The following STAC variants were observed in gnomAD, a reference collection of about 807,000 sequenced individuals.
STAC encodes the protein SH3 and cysteine rich domain.
A neutral mutation model predicts 48.8 loss-of-function variants in STAC; 43 were observed. That is an observed-to-expected ratio of 0.88 (90% confidence interval 0.69 to 1.14). The LOEUF (loss-of-function observed/expected upper bound fraction) is 1.14, where lower values mean the gene tolerates loss of function less well. Among genes scored for constraint, STAC ranks in the 50% most tolerant of loss-of-function variants. The pLI is 0.00. For missense variants in STAC, 497 were observed against 504.0 expected (o/e 0.99, Z 0.13); for synonymous variants, 193 against 179.5 (o/e 1.07, Z -0.60).
intron 8 of STAC, among the ~76,000 whole-genome samples, chr3:36,523,148 C>A (rs1326031278): frequency 6.6e-6 from 1 of 152,226 alleles, no homozygotes; most frequent in Non-Finnish European, 1.5e-5. Flanking sequence ...CAAAATTAAA[C>A]CCTGTCCTCC....
intron 1 of STAC, among the ~76,000 whole-genome samples, chr3:36,390,451 CTTTT>C (rs59589769): frequency 8.7e-5 from 7 of 80,838 alleles, no homozygotes; most frequent in South Asian, 1.0e-3. Context: ...TTTTTCTTTT[CTTTT>C]TTTTTTTTTT....
chr3:36,534,004 GAA>G (rs916292871), intron 10 of STAC, among the ~76,000 whole-genome samples: 3 of 151,928 alleles, frequency 2.0e-5, no homozygotes, highest in African/African-American at 7.2e-5. Context: ...CCATTTCAAA[GAA>G]AAAAATGCTT....
chr3:36,501,433 A>C (rs965330836), intron 6 of STAC, among the ~76,000 whole-genome samples: 1 of 151,340 alleles, frequency 6.6e-6, no homozygotes, highest in Non-Finnish European at 1.5e-5. Context: ...TTTTAAGATA[A>C]AAGAGATGAA....
At chr3:36,529,109 A>G in intron 10 of STAC, 124 bp downstream of exon 10, 1 of 1,021,570 alleles carries the variant, frequency 9.8e-7, no homozygotes, top group Non-Finnish European at 1.3e-6. Flanking sequence ...TTGAGAAAAG[A>G]TATACTTACT....
At chr3:36,528,653 T>TC (rs770985477) in intron 8 of STAC, 43 bp from the exon 9 acceptor site, 6 of 1,471,562 alleles carry the variant, frequency 4.1e-6, no homozygotes, top group African/African-American at 2.8e-5. Context: ...ATGTTATTTT[T>TC]CTTTTTTTTT....
At chr3:36,466,568 T>C (rs1229621317) in intron 2 of STAC, among the ~76,000 whole-genome samples, 1 of 152,206 alleles carries the variant, frequency 6.6e-6, no homozygotes, top group Non-Finnish European at 1.5e-5. Flanking sequence ...GTGTCATCTA[T>C]GATTTCTTTC....
chr3:36,463,647 A>C, intron 2 of STAC, among the ~76,000 whole-genome samples: 1 of 144,210 alleles, frequency 6.9e-6, no homozygotes. Flanking sequence ...TATATCTCCA[A>C]ATGCTATCCC....
chr3:36,521,786 T>C (rs1013071833), intron 8 of STAC, among the ~76,000 whole-genome samples: 2 of 152,156 alleles, frequency 1.3e-5, no homozygotes, highest in Admixed American at 6.6e-5. Flanking sequence ...TGTATATCAA[T>C]CACAGTGATA....
intron 2 of STAC, among the ~76,000 whole-genome samples, chr3:36,464,491 CATA>C (rs1278288626): frequency 2.0e-5 from 3 of 151,962 alleles, no homozygotes; most frequent in Non-Finnish European, 4.4e-5. Context: ...GCTTTGGTTA[CATA>C]ATAAGTTCTT....
At chr3:36,389,983 G>A (rs1356251440) in intron 1 of STAC, among the ~76,000 whole-genome samples, 1 of 152,046 alleles carries the variant, frequency 6.6e-6, no homozygotes, top group Non-Finnish European at 1.5e-5. Flanking sequence ...GGGGAAGGGA[G>A]TGCAGTGGGT....
intron 5 of STAC, among the ~76,000 whole-genome samples, chr3:36,489,784 G>T (rs1697917669): frequency 6.6e-6 from 1 of 152,146 alleles, no homozygotes; most frequent in African/African-American, 2.4e-5. Flanking sequence ...CATATGTGGT[G>T]AGTGCACGAA....
intron 10 of STAC, among the ~76,000 whole-genome samples, chr3:36,536,995 G>C (rs2125501212): frequency 6.6e-6 from 1 of 152,204 alleles, no homozygotes. Context: ...AAACCACAAA[G>C]AGTACCATGT....
chr3:36,391,440 T>A (rs1699749502), intron 1 of STAC, among the ~76,000 whole-genome samples: 1 of 152,242 alleles, frequency 6.6e-6, no homozygotes. Flanking sequence ...GACATCACTC[T>A]AGTGATCGCC....
intron 8 of STAC, among the ~76,000 whole-genome samples, chr3:36,509,104 C>T (rs1698474308): frequency 6.6e-6 from 1 of 152,170 alleles, no homozygotes; most frequent in African/African-American, 2.4e-5. Flanking sequence ...TCTTACAAGG[C>T]ATGCCTGGTG....
intron 2 of STAC, among the ~76,000 whole-genome samples, chr3:36,446,507 T>C (rs1355930697): frequency 6.6e-6 from 1 of 152,238 alleles, no homozygotes; most frequent in Non-Finnish European, 1.5e-5. Context: ...TCAGCTTCAC[T>C]GTGTATCACC....
chr3:36,511,881 C>G (rs1698550473), intron 8 of STAC, among the ~76,000 whole-genome samples: 1 of 152,182 alleles, frequency 6.6e-6, no homozygotes, highest in Admixed American at 6.6e-5. Context: ...TTCCCAGGCT[C>G]CATATGCTAT....
intron 2 of STAC, among the ~76,000 whole-genome samples, chr3:36,465,626 A>C (rs912902989): frequency 6.6e-6 from 1 of 151,874 alleles, no homozygotes; most frequent in Non-Finnish European, 1.5e-5. Flanking sequence ...AACAGTACTA[A>C]AGGGGAATTT....
rs1346969727 is a variant in STAC at position 36,398,581 on chromosome 3, GAAGGAAGGAAGGAAGGAAGA to G, written c.111+17837_111+17856del. Among the ~76,000 whole-genome samples the G allele has an allele frequency of 2.6e-4, 20 of 77,528 alleles. 2 individuals carry two copies. Among genetic ancestry groups the G allele is most frequent in the South Asian group, 1.5e-3 (3 of 2,014 alleles). The allele number at this position is 77,528 out of a possible 152,430, so 50.9% of individuals were successfully genotyped here. A position where few individuals can be genotyped will look rare whatever the true frequency, so the allele number is the denominator to read the frequency against. ...AGAGGGAAGGAAGGAAGGAAGGAAG[GAAGGAAGGAAGGAAGGAAGA>G]AAGGAAGGAGGGAAGGAAGAGAAAA... is the stretch of plus-strand genomic sequence containing the variant. On this transcript the variant is annotated intron_variant, in intron 1 of 10. Transcript: ENST00000273183.
intron 6 of STAC, among the ~76,000 whole-genome samples, chr3:36,496,210 T>C (rs1261752336): frequency 2.0e-5 from 3 of 152,238 alleles, no homozygotes; most frequent in Admixed American, 6.5e-5. Context: ...TGATCAGCAA[T>C]AGCTTTCTCT....
Sources: gnomAD v4.1 joint callset for allele counts (sites outside exome capture counted in the v4.1 genomes callset) on GRCh38, gnomAD v4.1.1 for gene constraint, MANE v1.5 for transcripts, NCBI Gene and HGNC (gene_info 2026-07-23, HGNC 2026-07-21) for gene names.